ZNF385D: variants seen among roughly 807,000 people sequenced by gnomAD.
ZNF385D encodes zinc finger protein 659.
In ZNF385D, 15 loss-of-function variants were observed where a neutral mutation model predicts 35.8. That is an observed-to-expected ratio of 0.42 (90% CI 0.28 to 0.64). The LOEUF is 0.64. ZNF385D is among the 30% of genes least tolerant of loss of function. The pLI, the probability that ZNF385D is intolerant of heterozygous loss-of-function variation, is 0.23. For synonymous variants in ZNF385D, 212 were observed against 186.8 expected, an observed-to-expected ratio of 1.13 and a Z score of -1.10; for missense variants, 474 against 494.6, an observed-to-expected ratio of 0.96 and a Z score of 0.39.
rs776983291 is a variant in ZNF385D, at chr3:21,433,149, CTT to C, written c.673+3819_673+3820del. ...GCATATCTGGGGGCAAAATTTAACT[CTT>C]ATCACTTCTAGTCCATTCTGCTGTC... On this transcript the variant is annotated intron_variant, in intron 5 of 7. Transcript: ENST00000281523. Among the ~76,000 whole-genome samples the C allele has an allele frequency of 9.9e-5, 15 of 152,238 alleles. 1 individual carries two copies. The highest frequency in any genetic ancestry group is 9.7e-4 in the East Asian group (5 of 5,164).
chr3:21,876,767 G>T (rs1697995331), intron 3 of ZNF385D, among the ~76,000 whole-genome samples: 1 of 151,822 alleles, frequency 6.6e-6, no homozygotes, highest in African/African-American at 2.4e-5. Flanking sequence ...ATCTTTGAAA[G>T]AATTCCATCT....
intron 2 of ZNF385D, among the ~76,000 whole-genome samples, chr3:21,657,821 A>G (rs2066117710): frequency 6.6e-6 from 1 of 151,992 alleles, no homozygotes; most frequent in African/African-American, 2.4e-5. Context: ...TTTGAACAAA[A>G]CAAATGGAAG....
chr3:21,656,586 A>G (rs970782952), intron 2 of ZNF385D, among the ~76,000 whole-genome samples: 5 of 151,944 alleles, frequency 3.3e-5, no homozygotes, highest in Non-Finnish European at 5.9e-5. Flanking sequence ...CCTATTTCCA[A>G]TTAAGATCAC....
At chr3:21,615,793 A>AGTGTGTGTGTGT (rs144521609) in intron 2 of ZNF385D, among the ~76,000 whole-genome samples, 1,732 of 145,316 alleles carry the variant, frequency 0.012, 23 homozygotes, top group South Asian at 0.048. Flanking sequence ...ATGGAGAAAG[A>AGTGTGTGTGTGT]GTGTGTGTGT....
chr3:21,959,768 A>G (rs1408877989), intron 3 of ZNF385D, among the ~76,000 whole-genome samples: 1 of 152,092 alleles, frequency 6.6e-6, no homozygotes, highest in African/African-American at 2.4e-5. Context: ...TGCTCCCCTC[A>G]CTCCAAGGCA....
chr3:21,488,888 A>T (rs117677937), intron 4 of ZNF385D, among the ~76,000 whole-genome samples: 1 of 152,270 alleles, frequency 6.6e-6, no homozygotes, highest in East Asian at 1.9e-4. Context: ...GTCCAAAAGC[A>T]TTACCTGAAG....
chr3:22,109,518 G>C (rs763599185), intron 3 of ZNF385D, among the ~76,000 whole-genome samples: 4 of 152,164 alleles, frequency 2.6e-5, no homozygotes, highest in South Asian at 2.1e-4. Context: ...AAATGAATAA[G>C]TATTTGCCAG....
intron 2 of ZNF385D, among the ~76,000 whole-genome samples, chr3:22,350,570 T>C (rs946917186): frequency 2.6e-5 from 4 of 152,140 alleles, no homozygotes; most frequent in Non-Finnish European, 5.9e-5. Flanking sequence ...TTAATATTTG[T>C]TGAAGACACC....
chr3:22,334,982 T>C (rs901397645), intron 2 of ZNF385D, among the ~76,000 whole-genome samples: 1 of 152,168 alleles, frequency 6.6e-6, no homozygotes, highest in Non-Finnish European at 1.5e-5. Flanking sequence ...TAAAAAATCA[T>C]TGTGTTAATT....
intron 3 of ZNF385D, among the ~76,000 whole-genome samples, chr3:22,110,616 C>T (rs902941676): frequency 1.3e-5 from 2 of 151,186 alleles, no homozygotes; most frequent in Non-Finnish European, 2.9e-5. Context: ...GGAAGGGGAA[C>T]ATCACACTCC....
chr3:21,653,614 A>C (rs898034894), intron 2 of ZNF385D, among the ~76,000 whole-genome samples: 1 of 152,092 alleles, frequency 6.6e-6, no homozygotes, highest in Admixed American at 6.6e-5. Context: ...CTTGAAGCTC[A>C]AAATAATTAT....
intron 3 of ZNF385D, among the ~76,000 whole-genome samples, chr3:21,515,389 A>G (rs1008214415): frequency 9.9e-5 from 15 of 152,228 alleles, no homozygotes; most frequent in Admixed American, 7.9e-4. Context: ...TATATATCCA[A>G]TAACCATAAC....
chr3:21,903,776 T>C (rs748620275), intron 3 of ZNF385D, among the ~76,000 whole-genome samples: 7 of 152,036 alleles, frequency 4.6e-5, no homozygotes, highest in Non-Finnish European at 1.0e-4. Flanking sequence ...CTAATAAAGA[T>C]TAAATATGGC....
At chr3:21,903,886 T>G (rs920503041) in intron 3 of ZNF385D, among the ~76,000 whole-genome samples, 5 of 152,194 alleles carry the variant, frequency 3.3e-5, no homozygotes, top group Non-Finnish European at 7.3e-5. Context: ...CACTCAAAGA[T>G]AAAAAGTCAC....
In ZNF385D at chr3:21,765,168, G is replaced by C. The variant is rs147835658; in HGVS notation, c.326-100140C>G. Among the ~76,000 whole-genome samples, 438 of 152,002 alleles carry C rather than the reference G, an allele frequency of 2.9e-3. 8 individuals are homozygous for C. The highest frequency in any genetic ancestry group is 0.01 in the African/African-American group (419 of 41,462). On this transcript the variant is annotated intron_variant, in intron 3 of 5. Coordinates refer to the ZNF385D transcript ENST00000494108. Reference sequence around the variant, plus strand: ...AATACAAAAGCAGCAATTTCCAAAAGGATACGCATGTATAATCTCCTCATA... The same window carrying C: ...AATACAAAAGCAGCAATTTCCAAAACGATACGCATGTATAATCTCCTCATA...
chr3:21,632,924 T>G (rs528747132), intron 2 of ZNF385D, among the ~76,000 whole-genome samples: 1 of 152,260 alleles, frequency 6.6e-6, no homozygotes, highest in Admixed American at 6.6e-5. Context: ...TCTATTTTAT[T>G]TATTTACTTG....
chr3:21,791,761 C>T (rs985273006), intron 3 of ZNF385D, among the ~76,000 whole-genome samples: 1 of 152,102 alleles, frequency 6.6e-6, no homozygotes, highest in Admixed American at 6.5e-5. Flanking sequence ...GTTGAGATGG[C>T]ATCTCACTCT....
At chr3:22,131,534 A>G (rs758984545) in intron 3 of ZNF385D, among the ~76,000 whole-genome samples, 3 of 152,104 alleles carry the variant, frequency 2.0e-5, no homozygotes, top group Non-Finnish European at 4.4e-5. Context: ...CCAGTAGAGA[A>G]TGAAAAATGA....
chr3:21,755,923 T>C (rs189925751), upstream of ZNF385D, among the ~76,000 whole-genome samples: 3 of 152,264 alleles, frequency 2.0e-5, no homozygotes, highest in East Asian at 3.9e-4. Context: ...ACAAGGCCAA[T>C]ATGCTAGAGT....
Sources: allele counts gnomAD v4.1 joint callset (sites outside exome capture counted in the v4.1 genomes callset), GRCh38; gene constraint gnomAD v4.1.1; transcripts MANE v1.5; gene names NCBI Gene and HGNC (gene_info 2026-07-23, HGNC 2026-07-21).